The following OSBPL10 variants were observed in gnomAD, a reference collection of about 807,000 sequenced individuals.
OSBPL10 encodes the protein oxysterol binding protein like 10, also known as oxysterol-binding protein-related protein 10.
In OSBPL10, 49 loss-of-function variants were observed where a neutral mutation model predicts 81.7. The observed-to-expected ratio is 0.60, with a 90% CI of 0.48 to 0.76. The LOEUF (loss-of-function observed/expected upper bound fraction) is 0.76. OSBPL10 is among the 30% of genes least tolerant of loss of function. The pLI is 0.00. For synonymous variants in OSBPL10, 419 were observed against 383.6 expected, an observed-to-expected ratio of 1.09 and a Z score of -1.08; for missense variants, 923 against 987.8, an observed-to-expected ratio of 0.93 and a Z score of 0.88.
intron 2 of OSBPL10, among the ~76,000 whole-genome samples, chr3:32,003,432 C>T (rs1338901149): frequency 6.6e-6 from 1 of 152,194 alleles, no homozygotes; most frequent in Non-Finnish European, 1.5e-5. Context: ...CATTTGTAGA[C>T]TTGCCCTGAA....
At chr3:31,827,036 G>A (rs924313881) in intron 4 of OSBPL10, among the ~76,000 whole-genome samples, 7 of 151,684 alleles carry the variant, frequency 4.6e-5, no homozygotes, top group African/African-American at 1.7e-4. Flanking sequence ...TCACCCAAGA[G>A]TACAAAAGCC....
At chr3:32,026,926 G>A (rs1380358278) in intron 2 of OSBPL10, among the ~76,000 whole-genome samples, 1 of 152,180 alleles carries the variant, frequency 6.6e-6, no homozygotes, top group Non-Finnish European at 1.5e-5. Context: ...CTCACCCTCA[G>A]AAAGTCTGTT....
chr3:31,774,099 T>C (rs541303506), intron 4 of OSBPL10, among the ~76,000 whole-genome samples: 27 of 149,384 alleles, frequency 1.8e-4, no homozygotes, highest in Non-Finnish European at 3.4e-4. Flanking sequence ...GAGGCGGAGG[T>C]TGCAGTGAGC....
At chr3:31,953,168 C>T (rs1697917831) in intron 1 of OSBPL10, among the ~76,000 whole-genome samples, 1 of 151,846 alleles carries the variant, frequency 6.6e-6, no homozygotes, top group South Asian at 2.1e-4. Flanking sequence ...CTCCTGACCT[C>T]GTGATCCATC....
chr3:31,663,293 C>G (rs1479110803), intron 11 of OSBPL10: 2 of 985,236 alleles, frequency 2.0e-6, no homozygotes, highest in Non-Finnish European at 2.4e-6. Context: ...TCATGAACAA[C>G]TAGACAATCT....
intron 2 of OSBPL10, chr3:31,989,504 A>C: frequency 1.2e-6 from 2 of 1,614,210 alleles, no homozygotes; most frequent in South Asian, 2.2e-5. Context: ...GACAGATATG[A>C]TCGAAGGCAT....
In OSBPL10 at chr3:31,909,520, G is replaced by T. The variant is rs1696511881; in HGVS notation, c.282-29690C>A. 4.0e-5 allele frequency among the ~76,000 whole-genome samples: 6 copies of T among 151,630 alleles called. No individual in the cohort carries two copies. In the South Asian group the frequency reaches 1.0e-3, roughly 26 times the overall value. ...CTCAACGTTTAAAAAAAAAAAGAAA[G>T]AAAGGGGGAGAGAAGGAACTTCTCA... On this transcript the variant is annotated intron_variant, in intron 1 of 11. Transcript: ENST00000396556.
At chr3:31,927,035 C>T (rs1485961135) in intron 1 of OSBPL10, among the ~76,000 whole-genome samples, 1 of 152,084 alleles carries the variant, frequency 6.6e-6, no homozygotes, top group African/African-American at 2.4e-5. Flanking sequence ...AGCTTGAACC[C>T]AAGAGGTAGA....
chr3:31,855,474 C>T (rs560488388), intron 3 of OSBPL10, among the ~76,000 whole-genome samples: 1 of 152,196 alleles, frequency 6.6e-6, no homozygotes, highest in Admixed American at 6.5e-5. Flanking sequence ...AGCCTCCAGC[C>T]TTGTTTTACT....
upstream of OSBPL10, among the ~76,000 whole-genome samples, chr3:31,983,770 T>G (rs971169476): frequency 2.6e-5 from 4 of 152,242 alleles, no homozygotes; most frequent in Non-Finnish European, 4.4e-5. Context: ...AAAAGGTACC[T>G]GCAGAATTAT....
chr3:31,825,722 T>C (rs566236799), intron 4 of OSBPL10, among the ~76,000 whole-genome samples: 4 of 152,328 alleles, frequency 2.6e-5, no homozygotes, highest in South Asian at 4.1e-4. Flanking sequence ...CCAGAGATTA[T>C]GACTACTTTC....
At chr3:31,744,769 G>A (rs545955545) in intron 5 of OSBPL10, among the ~76,000 whole-genome samples, 8 of 138,562 alleles carry the variant, frequency 5.8e-5, no homozygotes, top group Admixed American at 3.2e-4. Context: ...AAATGCCAGA[G>A]AGCCAATGAA....
At chr3:31,927,416 C>T (rs1403579733) in intron 1 of OSBPL10, among the ~76,000 whole-genome samples, 1 of 152,166 alleles carries the variant, frequency 6.6e-6, no homozygotes, top group Non-Finnish European at 1.5e-5. Flanking sequence ...TTCCCTAGTA[C>T]AAGAAATCTC....
intron 2 of OSBPL10, chr3:31,991,571 TTAAC>T (rs1392460391): frequency 2.4e-5 from 4 of 166,826 alleles, no homozygotes; most frequent in South Asian, 4.1e-4. Context: ...GTATGGAAAT[TTAAC>T]TAATTTTTGG....
intron 1 of OSBPL10, among the ~76,000 whole-genome samples, chr3:31,955,682 T>A (rs1697988212): frequency 6.6e-6 from 1 of 152,212 alleles, no homozygotes; most frequent in Non-Finnish European, 1.5e-5. Context: ...TCCATGCACA[T>A]GCTCTTAATA....
At chr3:32,022,630 C>A (rs1188567443) in intron 2 of OSBPL10, among the ~76,000 whole-genome samples, 1 of 152,016 alleles carries the variant, frequency 6.6e-6, no homozygotes, top group African/African-American at 2.4e-5. Context: ...TACAAAAATA[C>A]ACAAATTAGT....
intron 3 of OSBPL10, among the ~76,000 whole-genome samples, chr3:31,833,924 T>C (rs1241793587): frequency 3.9e-5 from 6 of 152,190 alleles, no homozygotes; most frequent in Non-Finnish European, 8.8e-5. Context: ...ACTTAATGGC[T>C]GTCATTTGAA....
At chr3:31,962,529 A>G (rs528798218) in intron 1 of OSBPL10, among the ~76,000 whole-genome samples, 2,623 of 117,962 alleles carry the variant, frequency 0.022, 39 homozygotes, top group African/African-American at 0.055. Context: ...GTAATGAAAC[A>G]CTATTTTTTT....
At chr3:31,878,564 G>A (rs1701536877) in intron 2 of OSBPL10, among the ~76,000 whole-genome samples, 1 of 152,126 alleles carries the variant, frequency 6.6e-6, no homozygotes, top group Non-Finnish European at 1.5e-5. Flanking sequence ...TCCATCTCTT[G>A]GGTAGTGAAG....
Sources: gnomAD v4.1 joint callset for allele counts (sites outside exome capture counted in the v4.1 genomes callset) on GRCh38, gnomAD v4.1.1 for gene constraint, MANE v1.5 for transcripts, NCBI Gene and HGNC (gene_info 2026-07-23, HGNC 2026-07-21) for gene names.